The following POU3F3 variants were observed in gnomAD, a reference collection of about 807,000 sequenced individuals.
POU3F3 encodes POU domain, class 3, transcription factor 3.
Under a neutral mutation model 8.6 loss-of-function variants are expected in POU3F3, and 1 was observed. The observed-to-expected ratio is 0.12, with a 90% confidence interval of 0.04 to 0.55. The LOEUF is 0.55. Ranked by LOEUF, POU3F3 falls within the 20% of genes least tolerant of loss-of-function variation. POU3F3 has a pLI of 0.91. For missense variants in POU3F3, 577 were observed against 690.7 expected (o/e 0.84, Z 1.84); for synonymous variants, 418 against 327.4 (o/e 1.28, Z -2.99).
At chr2:104,861,569 G>A (rs1676655510), downstream of POU3F3, among the ~76,000 whole-genome samples, 1 of 152,182 alleles carries the variant, frequency 6.6e-6, no homozygotes, top group Non-Finnish European at 1.5e-5. Context: ...GGTTATCAGT[G>A]ACCCAGAAAC....
chr2:104,862,931 A>T (rs1250664711), downstream of POU3F3, among the ~76,000 whole-genome samples: 4 of 151,864 alleles, frequency 2.6e-5, no homozygotes, highest in Non-Finnish European at 5.9e-5. Context: ...TTGAAACGCG[A>T]TGTTTTGTTC....
At chr2:104,909,353 G>T in the POU3F3 span, among the ~76,000 whole-genome samples, 1 of 152,206 alleles carries the variant, frequency 6.6e-6, no homozygotes, top group Non-Finnish European at 1.5e-5. Context: ...GAAGCCAGAA[G>T]ATATGCCAGA....
At chr2:104,893,667 A>C in the POU3F3 span, among the ~76,000 whole-genome samples, 38 of 152,284 alleles carry the variant, frequency 2.5e-4, no homozygotes, top group Admixed American at 1.1e-3. Context: ...AGATCACCTG[A>C]GGTCAGGAGT....
downstream of POU3F3, among the ~76,000 whole-genome samples, chr2:104,861,444 C>T (rs1177882542): frequency 3.9e-5 from 6 of 152,124 alleles, no homozygotes; most frequent in Non-Finnish European, 5.9e-5. Context: ...ATGAAATGCA[C>T]GTGGCTGGCT....
the POU3F3 span, among the ~76,000 whole-genome samples, chr2:104,884,335 G>A: frequency 2.0e-5 from 3 of 152,268 alleles, no homozygotes; most frequent in Non-Finnish European, 2.9e-5. Context: ...ATGAGAATTT[G>A]TGGAACTGGA....
rs895839135 is a variant in POU3F3 at position 104,857,087 on chromosome 2, TGCC to T, written c.*101_*103del. ...CCGCCGTCAGCACCGCCGCCGCCCC[TGCC>T]GCCGCCGCCGCCGCCGCCGCCGCCG... is the stretch of plus-strand genomic sequence containing the variant. On this transcript the variant is annotated 3_prime_UTR_variant, in exon 1 of 1. Coordinates refer to ENST00000361360, the MANE Select transcript of POU3F3 (RefSeq NM_006236.3). 2,751 of 991,442 alleles carry T rather than the reference TGCC, an allele frequency of 2.8e-3. No homozygotes were observed. Among genetic ancestry groups the T allele is most frequent in the Non-Finnish European group, 2.9e-3 (2,415 of 829,308 alleles). 61.4% of individuals were successfully genotyped at this position (991,442 alleles called of 1,614,324 possible). A position where few individuals can be genotyped will look rare whatever the true frequency, so the allele number is the denominator to read the frequency against.
chr2:104,874,669 A>G, the POU3F3 span, among the ~76,000 whole-genome samples: 4 of 152,056 alleles, frequency 2.6e-5, no homozygotes, highest in Non-Finnish European at 1.5e-5. Flanking sequence ...AAGATGATAG[A>G]TCTCACCAGT....
the POU3F3 span, among the ~76,000 whole-genome samples, chr2:104,918,372 C>G: frequency 6.6e-6 from 1 of 152,156 alleles, no homozygotes; most frequent in African/African-American, 2.4e-5. Context: ...TTGGGTCTCC[C>G]CAAAATTCAT....
At chr2:104,892,799 A>G in the POU3F3 span, among the ~76,000 whole-genome samples, 10 of 151,638 alleles carry the variant, frequency 6.6e-5, no homozygotes, top group African/African-American at 1.7e-4. Flanking sequence ...CTGGGCTTCA[A>G]TGATCTTCTG....
chr2:104,878,144 C>T, the POU3F3 span, among the ~76,000 whole-genome samples: 822 of 152,260 alleles, frequency 5.4e-3, 21 homozygotes, highest in Admixed American at 0.047. Context: ...GCTGAATTGG[C>T]TGGTTTCTAG....
the POU3F3 span, among the ~76,000 whole-genome samples, chr2:104,918,165 A>G: frequency 6.6e-6 from 1 of 152,162 alleles, no homozygotes; most frequent in Non-Finnish European, 1.5e-5. Flanking sequence ...TAAAATCCTA[A>G]GCCTACATCT....
the POU3F3 span, among the ~76,000 whole-genome samples, chr2:104,886,725 T>C: frequency 6.6e-6 from 1 of 152,028 alleles, no homozygotes; most frequent in Admixed American, 6.5e-5. Flanking sequence ...CTGGCCAACA[T>C]GGTGAAACCC....
downstream of POU3F3, among the ~76,000 whole-genome samples, chr2:104,862,101 T>C (rs2104344960): frequency 6.6e-6 from 1 of 152,344 alleles, no homozygotes; most frequent in South Asian, 2.1e-4. Flanking sequence ...CTCTCTTTCA[T>C]TCTTGATTTC....
chr2:104,853,962 G>A (rs1676494709), upstream of POU3F3: 1 of 152,168 alleles, frequency 6.6e-6, no homozygotes, highest in African/African-American at 2.4e-5. Flanking sequence ...CAACCAATCG[G>A]AACGGCCGGA....
At chr2:104,873,253 G>A in the POU3F3 span, among the ~76,000 whole-genome samples, 38 of 152,300 alleles carry the variant, frequency 2.5e-4, no homozygotes, top group African/African-American at 8.9e-4. Context: ...CCGCACGTCC[G>A]GGACCCCTTT....
the POU3F3 span, among the ~76,000 whole-genome samples, chr2:104,869,005 C>T: frequency 6.6e-6 from 1 of 152,170 alleles, no homozygotes; most frequent in Non-Finnish European, 1.5e-5. Context: ...CAATCTTAAG[C>T]CACAAAGAAA....
At chr2:104,920,434 A>G in the POU3F3 span, among the ~76,000 whole-genome samples, 1 of 152,112 alleles carries the variant, frequency 6.6e-6, no homozygotes, top group African/African-American at 2.4e-5. Context: ...ACTATCTCCA[A>G]TGTGAATTTA....
the POU3F3 span, among the ~76,000 whole-genome samples, chr2:104,892,793 G>A: frequency 1.3e-5 from 2 of 151,724 alleles, no homozygotes; most frequent in Non-Finnish European, 2.9e-5. Context: ...AAACTCCTGG[G>A]CTTCAATGAT....
At chr2:104,859,422 G>A (rs1286363471), downstream of POU3F3, among the ~76,000 whole-genome samples, 1 of 152,136 alleles carries the variant, frequency 6.6e-6, no homozygotes, top group African/African-American at 2.4e-5. Context: ...GACGCTAAAG[G>A]CTCGGCTTAG....
Sources: gnomAD v4.1 joint callset for allele counts (sites outside exome capture counted in the v4.1 genomes callset) on GRCh38, gnomAD v4.1.1 for gene constraint, MANE v1.5 for transcripts, NCBI Gene and HGNC (gene_info 2026-07-23, HGNC 2026-07-21) for gene names.